SCAPER: variants seen among roughly 807,000 people sequenced by gnomAD.
SCAPER encodes S-phase cyclin A associated protein in the ER, also known as S phase cyclin A-associated protein in the endoplasmic reticulum.
SCAPER carries 98 observed loss-of-function variants against 182.2 expected under a neutral mutation model. The observed-to-expected ratio is 0.54, with a 90% CI of 0.46 to 0.64. The LOEUF (loss-of-function observed/expected upper bound fraction) is 0.64. Ranked by LOEUF, SCAPER falls within the 30% of genes least tolerant of loss-of-function variation. The probability of loss-of-function intolerance (pLI) is 0.00; values close to 1 mark genes in which losing one functional copy is unlikely to be tolerated. For synonymous variants in SCAPER, 605 were observed against 564.6 expected (o/e 1.07, Z -1.01); for missense variants, 1,432 against 1,690.0 (o/e 0.85, Z 2.68).
intron 20 of SCAPER, among the ~76,000 whole-genome samples, chr15:76,682,503 C>T (rs1416166706): frequency 6.6e-6 from 1 of 152,178 alleles, no homozygotes; most frequent in Non-Finnish European, 1.5e-5. Flanking sequence ...GGCACAAGCA[C>T]AAGCAGGAAG....
intron 1 of SCAPER, among the ~76,000 whole-genome samples, chr15:76,887,026 G>T (rs750895698): frequency 5.0e-4 from 76 of 152,244 alleles, no homozygotes; most frequent in Middle Eastern, 3.4e-3. Context: ...AGGAGGGAGG[G>T]GGTGAGGAAA....
In SCAPER at chr15:76,354,042, G is replaced by T; in HGVS notation, c.3954C>A (p.Phe1318Leu). 1 of 1,610,102 alleles carries T rather than the reference G, an allele frequency of 6.2e-7. No individual in the cohort carries two copies. Among genetic ancestry groups the T allele is most frequent in the Non-Finnish European group, 8.5e-7 (1 of 1,178,838 alleles). The change falls in exon 30 of 32, where the codon TTC becomes TTA. Residue 1318 changes from phenylalanine to leucine, a missense_variant. This residue lies in a region of SCAPER where 718 missense variants were observed against 799.7 expected (regional missense o/e 0.90). Coordinates refer to ENST00000563290, the MANE Select transcript of SCAPER (RefSeq NM_020843.4). This position sits in a 1 kb window ranked among gnomAD's most constrained non-coding sequence, Gnocchi z 4.4. Reference protein sequence around the residue: ...FSDPRLIKVLFPSLIAACYNN... With the variant: ...FSDPRLIKVLLPSLIAACYNN... ...TGTAACAAGCAGCGATAAGTGAAGG[G>T]AACAGTACTTTGATCAGCCGTGGGT... is the stretch of plus-strand genomic sequence containing the variant.
chr15:76,706,875 A>G (rs752225911), intron 17 of SCAPER, among the ~76,000 whole-genome samples: 4 of 152,124 alleles, frequency 2.6e-5, no homozygotes, highest in Admixed American at 6.6e-5. Context: ...ACATACACAC[A>G]CACACAAAGA....
chr15:76,430,601 G>A (rs1244660694), intron 26 of SCAPER, among the ~76,000 whole-genome samples: 1 of 152,208 alleles, frequency 6.6e-6, no homozygotes, highest in Non-Finnish European at 1.5e-5. Flanking sequence ...TAGCCCCTTT[G>A]TTTTGGCCAA....
chr15:76,583,950 T>A (rs557748238), intron 22 of SCAPER, among the ~76,000 whole-genome samples: 2 of 152,178 alleles, frequency 1.3e-5, no homozygotes, highest in African/African-American at 4.8e-5. Flanking sequence ...ATCAGTATAT[T>A]GAAGAGGTAT....
At chr15:76,896,145 C>T (rs2074423611) in intron 1 of SCAPER, among the ~76,000 whole-genome samples, 2 of 151,264 alleles carry the variant, frequency 1.3e-5, no homozygotes, top group African/African-American at 4.9e-5. Flanking sequence ...CAAGGCAGGC[C>T]GATCACTTCA....
chr15:76,574,321 GA>G, intron 22 of SCAPER, 37 bp from the exon 23 acceptor site: 1 of 1,599,456 alleles, frequency 6.3e-7, no homozygotes, highest in Non-Finnish European at 8.5e-7. Context: ...TGACATTAAT[GA>G]AACAGACTAT....
At chr15:76,413,890 G>T (rs2045473646) in intron 26 of SCAPER, among the ~76,000 whole-genome samples, 1 of 152,162 alleles carries the variant, frequency 6.6e-6, no homozygotes, top group Non-Finnish European at 1.5e-5. Flanking sequence ...CTGACTAGGA[G>T]TCTTGTATCT....
intron 4 of SCAPER, among the ~76,000 whole-genome samples, chr15:76,845,918 GA>G (rs2070028837): frequency 6.6e-6 from 1 of 151,564 alleles, no homozygotes; most frequent in African/African-American, 2.4e-5. Context: ...AAAACTAGAG[GA>G]ATCACATTAC....
In SCAPER at chr15:76,765,013, CT is replaced by C; in HGVS notation, c.1672del (p.Arg558GlyfsTer10). On this transcript the variant is annotated frameshift_variant, in exon 14 of 32. Coordinates refer to ENST00000563290, the MANE Select transcript of SCAPER (RefSeq NM_020843.4). LOFTEE classifies it high-confidence loss of function. ...EEKQMKAQQL[R>X]EKLREEKTLK... ...TGTTTTCTCTTCGCGTAACTTTTCC[CT>C]TAGCTGCTGTGCTTTCATTTGTTTT... 6.2e-7 allele frequency: 1 copy of C among 1,604,170 alleles called. No homozygotes were observed. The highest frequency in any genetic ancestry group is 1.1e-5 in the South Asian group (1 of 89,332).
chr15:76,525,354 T>C (rs919057765), intron 23 of SCAPER, among the ~76,000 whole-genome samples: 1 of 152,096 alleles, frequency 6.6e-6, no homozygotes, highest in Non-Finnish European at 1.5e-5. Flanking sequence ...TTTTCTTTTT[T>C]AAATATAAAT....
At chr15:76,457,187 C>T (rs1451634236) in intron 25 of SCAPER, among the ~76,000 whole-genome samples, 1 of 152,042 alleles carries the variant, frequency 6.6e-6, no homozygotes, top group Non-Finnish European at 1.5e-5. Context: ...CTCGGCCTCC[C>T]AAGCAGCTGG....
chr15:76,533,194 A>G (rs2043824865), intron 23 of SCAPER, among the ~76,000 whole-genome samples: 1 of 152,168 alleles, frequency 6.6e-6, no homozygotes, highest in Non-Finnish European at 1.5e-5. Context: ...GTATTTCAGA[A>G]GAGGAAATGG....
chr15:76,482,426 T>C (rs1596923339), intron 24 of SCAPER, among the ~76,000 whole-genome samples: 1 of 152,302 alleles, frequency 6.6e-6, no homozygotes, highest in Admixed American at 6.5e-5. Flanking sequence ...TAACATCTTA[T>C]TTAATGATGA....
At chr15:76,788,882 G>A (rs1381036809) in intron 8 of SCAPER, among the ~76,000 whole-genome samples, 2 of 152,134 alleles carry the variant, frequency 1.3e-5, no homozygotes, top group Admixed American at 6.5e-5. Flanking sequence ...ATGTTGCCCA[G>A]ACTAGTACCC....
At chr15:76,714,534 G>GGTAGTA (rs35883569) in intron 17 of SCAPER, among the ~76,000 whole-genome samples, 222 of 149,482 alleles carry the variant, frequency 1.5e-3, no homozygotes, top group Non-Finnish European at 2.3e-3. Context: ...TAGTAGTAGT[G>GGTAGTA]GTAGTAGTAG....
intron 2 of SCAPER, among the ~76,000 whole-genome samples, chr15:76,876,438 C>CAAAAAAAAA (rs33959211): frequency 4.9e-5 from 6 of 122,726 alleles, no homozygotes; most frequent in African/African-American, 9.7e-5. Flanking sequence ...AAAACAAAAG[C>CAAAAAAAAA]AAAAAAAAAA....
intron 20 of SCAPER, among the ~76,000 whole-genome samples, chr15:76,683,754 G>C (rs894526678): frequency 4.6e-5 from 7 of 152,010 alleles, no homozygotes; most frequent in Non-Finnish European, 8.8e-5. Context: ...TGTAGGGGGT[G>C]GGGGGGTCTA....
At chr15:76,814,465 C>G (rs1358877951) in intron 5 of SCAPER, among the ~76,000 whole-genome samples, 2 of 152,038 alleles carry the variant, frequency 1.3e-5, no homozygotes, top group Non-Finnish European at 2.9e-5. Context: ...TAAACTCAAG[C>G]ATATGTGGTC....
Sources: allele counts gnomAD v4.1 joint callset (sites outside exome capture counted in the v4.1 genomes callset), GRCh38; gene constraint gnomAD v4.1.1; regional missense constraint gnomAD v4.1.1; non-coding constraint Gnocchi (gnomAD v3.1); transcripts MANE v1.5; gene names NCBI Gene and HGNC (gene_info 2026-07-23, HGNC 2026-07-21).